The following DLG2 variants were observed in gnomAD, a reference collection of about 807,000 sequenced individuals.
DLG2 encodes the protein disks large homolog 2.
In DLG2, 45 loss-of-function variants were observed where a neutral mutation model predicts 132.5. The ratio of observed to expected loss-of-function variants is 0.34; its 90% CI spans 0.27 to 0.44. The LOEUF (loss-of-function observed/expected upper bound fraction) is 0.44. DLG2 is among the 20% of genes least tolerant of loss of function. The pLI, the probability that DLG2 is intolerant of heterozygous loss-of-function variation, is 1.00. For missense variants in DLG2, 1,045 were observed against 1,196.9 expected (o/e 0.87, Z 1.87); for synonymous variants, 424 against 419.6 (o/e 1.01, Z -0.13).
intron 6 of DLG2, among the ~76,000 whole-genome samples, chr11:84,609,005 G>A (rs2099590630): frequency 6.6e-6 from 1 of 152,130 alleles, no homozygotes; most frequent in Admixed American, 6.6e-5. Context: ...TGAAACAGAG[G>A]CAGTTTGGCT....
At chr11:85,482,984 C>T (rs539061713) in intron 3 of DLG2, among the ~76,000 whole-genome samples, 23 of 152,240 alleles carry the variant, frequency 1.5e-4, no homozygotes, top group Middle Eastern at 3.4e-3. Context: ...ATATATCTCT[C>T]TGATATATAA....
In DLG2 at chr11:85,168,914, A is replaced by AT. The variant is rs1233321490; in HGVS notation, c.187-14264dup. On this transcript the variant is annotated intron_variant, in intron 4 of 27. Coordinates refer to ENST00000376104, the MANE Select transcript of DLG2 (RefSeq NM_001142699.3). The stretch of plus-strand genomic sequence containing the variant: ...AAAAAGGTTTCTATAAACTAACAGA[A>AT]TTTTTTTCAGGATACACTGTTAAAG... Among the ~76,000 whole-genome samples, 36 of 152,090 alleles carry AT rather than the reference A, an allele frequency of 2.4e-4. 1 individual carries two copies. Among genetic ancestry groups the AT allele is most frequent in the Non-Finnish European group, 1.5e-5 (1 of 67,996 alleles).
intron 7 of DLG2, among the ~76,000 whole-genome samples, chr11:84,278,339 A>G (rs921348536): frequency 6.6e-6 from 1 of 152,100 alleles, no homozygotes; most frequent in Non-Finnish European, 1.5e-5. Context: ...AATTAAAATC[A>G]TCCCACTAAG....
chr11:84,246,785 T>C (rs2097307870), intron 8 of DLG2, among the ~76,000 whole-genome samples: 2 of 152,260 alleles, frequency 1.3e-5, no homozygotes, highest in South Asian at 4.1e-4. Context: ...GAATGTGTCA[T>C]CCATGGATAA....
intron 7 of DLG2, among the ~76,000 whole-genome samples, chr11:84,365,174 T>C (rs971979198): frequency 2.0e-5 from 3 of 152,294 alleles, no homozygotes; most frequent in African/African-American, 7.2e-5. Context: ...CTATTGATTA[T>C]TGCCACAATT....
intron 6 of DLG2, among the ~76,000 whole-genome samples, chr11:85,103,753 T>A (rs2071251879): frequency 6.6e-6 from 1 of 151,864 alleles, no homozygotes; most frequent in Non-Finnish European, 1.5e-5. Context: ...ATTTTATGCT[T>A]CAAATGCCAT....
At chr11:85,399,218 T>G (rs1190727702) in intron 3 of DLG2, among the ~76,000 whole-genome samples, 2 of 152,038 alleles carry the variant, frequency 1.3e-5, no homozygotes, top group Non-Finnish European at 2.9e-5. Flanking sequence ...GAATCCAACT[T>G]CCAGGGGATA....
intron 18 of DLG2, chr11:83,725,470 T>C (rs1221561064): frequency 1.3e-5 from 2 of 152,192 alleles, no homozygotes; most frequent in Non-Finnish European, 2.9e-5. Flanking sequence ...AATCGTCCCT[T>C]AGGTGGGAAG....
intron 4 of DLG2, among the ~76,000 whole-genome samples, chr11:85,258,181 G>A (rs2076762584): frequency 6.6e-6 from 1 of 151,994 alleles, no homozygotes. Context: ...TGCATTTTTT[G>A]AAAATACCCA....
chr11:83,771,224 T>C (rs900090266), intron 18 of DLG2, among the ~76,000 whole-genome samples: 1 of 152,224 alleles, frequency 6.6e-6, no homozygotes, highest in African/African-American at 2.4e-5. Context: ...TTTAGAATGC[T>C]CTTTGTGTTT....
intron 7 of DLG2, among the ~76,000 whole-genome samples, chr11:84,368,830 C>G: frequency 6.6e-6 from 1 of 151,922 alleles, no homozygotes; most frequent in South Asian, 2.1e-4. Context: ...TGTTTGAAAC[C>G]CAATAAATAT....
intron 7 of DLG2, among the ~76,000 whole-genome samples, chr11:84,503,820 C>A (rs767970252): frequency 6.6e-6 from 1 of 152,242 alleles, no homozygotes; most frequent in Non-Finnish European, 1.5e-5. Flanking sequence ...GTAAGCATCA[C>A]TGCATCATTC....
intron 6 of DLG2, among the ~76,000 whole-genome samples, chr11:84,712,057 C>A (rs188140426): frequency 1.1e-3 from 162 of 152,108 alleles, no homozygotes; most frequent in African/African-American, 3.8e-3. Flanking sequence ...GTATTACATG[C>A]CATAAGAGTC....
At chr11:84,624,363 A>C (rs1306240234) in intron 6 of DLG2, among the ~76,000 whole-genome samples, 1 of 152,200 alleles carries the variant, frequency 6.6e-6, no homozygotes, top group Admixed American at 6.5e-5. Flanking sequence ...GGATAATAAC[A>C]CTTTATTTCA....
intron 21 of DLG2, among the ~76,000 whole-genome samples, chr11:83,502,762 C>A (rs1385484273): frequency 6.6e-6 from 1 of 152,064 alleles, no homozygotes; most frequent in Non-Finnish European, 1.5e-5. Context: ...AGCTGATTTA[C>A]CCTTACCTGT....
At chr11:84,667,502 T>TTTC (rs1555150369) in intron 6 of DLG2, among the ~76,000 whole-genome samples, 1 of 116,540 alleles carries the variant, frequency 8.6e-6, no homozygotes, top group African/African-American at 3.3e-5. Context: ...TTTTTTGTTT[T>TTTC]TTTTTTTTTT....
chr11:85,474,336 T>G (rs2093074216), intron 3 of DLG2, among the ~76,000 whole-genome samples: 1 of 151,968 alleles, frequency 6.6e-6, no homozygotes, highest in Non-Finnish European at 1.5e-5. Context: ...TTGAATTGAA[T>G]CTGTATATAT....
intron 3 of DLG2, among the ~76,000 whole-genome samples, chr11:85,537,059 G>A (rs1008157753): frequency 2.0e-5 from 3 of 152,180 alleles, no homozygotes; most frequent in Non-Finnish European, 2.9e-5. Context: ...TCAGTGCTCT[G>A]TGTCTAGCTA....
chr11:83,789,148 G>T (rs1355085665), intron 17 of DLG2, among the ~76,000 whole-genome samples: 1 of 152,150 alleles, frequency 6.6e-6, no homozygotes, highest in Non-Finnish European at 1.5e-5. Context: ...ATATGTTGTA[G>T]ATCTCCATTC....
Sources: allele counts gnomAD v4.1 joint callset (sites outside exome capture counted in the v4.1 genomes callset), GRCh38; gene constraint gnomAD v4.1.1; transcripts MANE v1.5; gene names NCBI Gene and HGNC (gene_info 2026-07-23, HGNC 2026-07-21).